RHAG: variants seen among roughly 807,000 people sequenced by gnomAD.
RHAG encodes the protein ammonium transporter Rh type A.
Under a neutral mutation model 42.4 loss-of-function variants are expected in RHAG, and 25 were observed. That is an observed-to-expected ratio of 0.59 (90% CI 0.43 to 0.82). The LOEUF (loss-of-function observed/expected upper bound fraction) is 0.82. Among genes scored for constraint, RHAG ranks in the 40% least tolerant of loss-of-function variants. The probability of loss-of-function intolerance (pLI) is 0.00; values close to 1 mark genes in which losing one functional copy is unlikely to be tolerated. For missense variants in RHAG, 483 were observed against 504.6 expected, an observed-to-expected ratio of 0.96 and a Z score of 0.41; for synonymous variants, 182 against 177.7, an observed-to-expected ratio of 1.02 and a Z score of -0.19.
At chr6:49,635,092 A>T (rs1224763307) in intron 1 of RHAG, among the ~76,000 whole-genome samples, 4 of 150,776 alleles carry the variant, frequency 2.7e-5, no homozygotes, top group African/African-American at 9.8e-5. Flanking sequence ...AACTATCATC[A>T]TTATGTTGCA....
intron 9 of RHAG, 37 bp from the exon 10 acceptor site, chr6:49,605,867 A>T (rs1454483099): frequency 6.4e-7 from 1 of 1,560,078 alleles, no homozygotes; most frequent in East Asian, 2.2e-5. Context: ...TTAATAGTTT[A>T]TTTCACTGTT....
intron 1 of RHAG, among the ~76,000 whole-genome samples, chr6:49,626,183 A>T (rs528661147): frequency 1.6e-4 from 25 of 152,244 alleles, no homozygotes; most frequent in African/African-American, 5.8e-4. Context: ...CAAAGTCTTA[A>T]CTCATTACAG....
intron 1 of RHAG, among the ~76,000 whole-genome samples, chr6:49,628,121 CTTTGTGTGTGTGAG>C (rs1455678604): frequency 7.3e-6 from 1 of 137,108 alleles, no homozygotes; most frequent in Non-Finnish European, 1.5e-5. Flanking sequence ...ACACCCAACA[CTTTGTGTGTGTGAG>C]ACACACACAC....
At position 49,628,161 on chromosome 6, in the gene RHAG, C is replaced by CAG. The variant is rs60784215; in HGVS notation, c.157+8493_157+8494dup. Among the ~76,000 whole-genome samples the CAG allele has an allele frequency of 9.3e-5, 13 of 140,166 alleles. No homozygotes were observed. The South Asian group carries it at 1.1e-3, about 12-fold the overall frequency. 92.0% of individuals were successfully genotyped at this position (140,166 alleles called of 152,430 possible). A position where few individuals can be genotyped will look rare whatever the true frequency, so the allele number is the denominator to read the frequency against. On this transcript the variant is annotated intron_variant, in intron 1 of 9. Coordinates refer to ENST00000371175, the MANE Select transcript of RHAG (RefSeq NM_000324.3). Reference sequence around the variant, plus strand: ...ACACACACACACACACACACACACACAGAGAGAGAGAGAGAGACAGGGTCT... The same window carrying CAG: ...ACACACACACACACACACACACACACAGAGAGAGAGAGAGAGAGACAGGGTCT...
At chr6:49,612,562 G>A (rs1012717378) in intron 5 of RHAG, 28 bp from the exon 6 acceptor site, 2 of 1,613,614 alleles carry the variant, frequency 1.2e-6, no homozygotes, top group Non-Finnish European at 1.7e-6. Flanking sequence ...ACATAAATGA[G>A]GTGAGCTGGA....
chr6:49,607,900 A>C (rs1186901518), intron 7 of RHAG, among the ~76,000 whole-genome samples: 1 of 152,180 alleles, frequency 6.6e-6, no homozygotes, highest in African/African-American at 2.4e-5. Context: ...AAACAATTGG[A>C]AAATAAGAGT....
At chr6:49,622,939 C>G (rs1762788228) in intron 1 of RHAG, among the ~76,000 whole-genome samples, 1 of 151,430 alleles carries the variant, frequency 6.6e-6, no homozygotes, top group Non-Finnish European at 1.5e-5. Flanking sequence ...GGGTTCACGC[C>G]ATTCTCCTGC....
At chr6:49,610,927 A>G in intron 7 of RHAG, 97 bp downstream of exon 7, 2 of 1,470,502 alleles carry the variant, frequency 1.4e-6, no homozygotes, top group South Asian at 1.1e-5. Flanking sequence ...AATACAAACC[A>G]TGGCCAGAAC....
intron 1 of RHAG, among the ~76,000 whole-genome samples, chr6:49,629,812 G>A (rs57067353): frequency 3.9e-5 from 6 of 151,980 alleles, no homozygotes; most frequent in African/African-American, 1.2e-4. Context: ...CTCATTGCCC[G>A]GGGCCGGCAG....
intron 1 of RHAG, among the ~76,000 whole-genome samples, chr6:49,625,387 C>T (rs1028359690): frequency 6.6e-6 from 1 of 152,172 alleles, no homozygotes; most frequent in Non-Finnish European, 1.5e-5. Context: ...TCAACTTTAC[C>T]ATAGGTATTT....
chr6:49,607,136 CT>C lies in RHAG; in HGVS notation c.1138+13del. 1 of 1,607,710 alleles carries C rather than the reference CT, an allele frequency of 6.2e-7. No homozygotes were observed. Among genetic ancestry groups the C allele is most frequent in the Non-Finnish European group, 8.5e-7 (1 of 1,174,412 alleles). On this transcript the variant is annotated intron_variant, in intron 8 of 9. Coordinates refer to ENST00000371175, the MANE Select transcript of RHAG (RefSeq NM_000324.3). ...AGCATAAGATACAGGGAAGTGTTCA[CT>C]TTTTATGCTGACCTGTCATCAGACC... is the stretch of plus-strand genomic sequence containing the variant.
chr6:49,613,530 G>A (rs1215042760), intron 5 of RHAG, among the ~76,000 whole-genome samples: 1 of 152,084 alleles, frequency 6.6e-6, no homozygotes, highest in Non-Finnish European at 1.5e-5. Context: ...AATTTGTGGA[G>A]AAATAAGATA....
At chr6:49,622,560 T>C (rs546288372) in intron 1 of RHAG, among the ~76,000 whole-genome samples, 10 of 152,150 alleles carry the variant, frequency 6.6e-5, no homozygotes, top group African/African-American at 1.9e-4. Flanking sequence ...TCTCTTTGCC[T>C]CCTGACACAC....
intron 1 of RHAG, among the ~76,000 whole-genome samples, chr6:49,626,585 T>C (rs1178127618): frequency 2.0e-5 from 3 of 152,126 alleles, no homozygotes; most frequent in Non-Finnish European, 4.4e-5. Flanking sequence ...AGGGGCACGG[T>C]GCAAGCTGTC....
chr6:49,620,557 A>G (rs1562016227), intron 1 of RHAG, among the ~76,000 whole-genome samples: 1 of 151,922 alleles, frequency 6.6e-6, no homozygotes, highest in Non-Finnish European at 1.5e-5. Flanking sequence ...GGGGAGACAG[A>G]GCGAGACTCT....
intron 1 of RHAG, among the ~76,000 whole-genome samples, chr6:49,624,652 C>T (rs1714439593): frequency 1.3e-5 from 2 of 152,224 alleles, no homozygotes; most frequent in South Asian, 4.1e-4. Flanking sequence ...GGGACTAATA[C>T]TTCATAAGGC....
At chr6:49,625,181 T>C (rs1379184019) in intron 1 of RHAG, among the ~76,000 whole-genome samples, 2 of 152,222 alleles carry the variant, frequency 1.3e-5, no homozygotes, top group African/African-American at 2.4e-5. Flanking sequence ...AAGAAATATT[T>C]TGGCAAATCT....
In RHAG at chr6:49,612,770, T is replaced by C. The variant is rs16879499; in HGVS notation, c.808-236A>G. 0.05 allele frequency among the ~76,000 whole-genome samples: 7,593 copies of C among 152,274 alleles called. 279 individuals are homozygous for C. Among genetic ancestry groups the C allele is most frequent in the South Asian group, 0.11 (512 of 4,828 alleles). On this transcript the variant is annotated intron_variant, in intron 5 of 9. Transcript: ENST00000371175. ...TGAATGAGTAATCAGCTTAACTCTT[T>C]AAGGCCAGTGGTGGAAGACATTTGA... is the stretch of plus-strand genomic sequence containing the variant.
chr6:49,633,210 C>T (rs899101087), intron 1 of RHAG, among the ~76,000 whole-genome samples: 1 of 152,120 alleles, frequency 6.6e-6, no homozygotes. Context: ...TCTTTTACCA[C>T]ACTACAATTG....
Sources: gnomAD v4.1 joint callset for allele counts (sites outside exome capture counted in the v4.1 genomes callset) on GRCh38, gnomAD v4.1.1 for gene constraint, MANE v1.5 for transcripts, NCBI Gene and HGNC (gene_info 2026-07-23, HGNC 2026-07-21) for gene names.